Variants in CDH18 observed in about 807,000 individuals in gnomAD.
CDH18 encodes cadherin-18.
Under a neutral mutation model 67.9 loss-of-function variants are expected in CDH18, and 31 were observed. The observed-to-expected ratio is 0.46, with a 90% CI of 0.34 to 0.62. The LOEUF is 0.62. CDH18 is among the 20% of genes least tolerant of loss of function. The pLI is 0.01. For missense variants in CDH18, 890 were observed against 975.5 expected (o/e 0.91, Z 1.17); for synonymous variants, 362 against 347.2 (o/e 1.04, Z -0.48).
intron 2 of CDH18, among the ~76,000 whole-genome samples, chr5:20,141,480 G>C (rs922672817): frequency 3.3e-5 from 5 of 152,174 alleles, no homozygotes; most frequent in Middle Eastern, 3.2e-3. Context: ...TAAGACAGGT[G>C]AAAGAATCTG....
intron 2 of CDH18, among the ~76,000 whole-genome samples, chr5:19,877,290 A>G (rs1023672290): frequency 1.3e-5 from 2 of 152,156 alleles, no homozygotes; most frequent in Admixed American, 1.3e-4. Flanking sequence ...TGTGAAGGCA[A>G]TACTGGAAAA....
At chr5:19,485,478 A>G (rs1306993863) in intron 11 of CDH18, among the ~76,000 whole-genome samples, 1 of 152,034 alleles carries the variant, frequency 6.6e-6, no homozygotes, top group Non-Finnish European at 1.5e-5. Flanking sequence ...GATGGTCTCG[A>G]TCTCCTGACC....
At chr5:20,194,909 T>A (rs144210212) in intron 2 of CDH18, among the ~76,000 whole-genome samples, 2,643 of 152,200 alleles carry the variant, frequency 0.017, 73 homozygotes, top group African/African-American at 0.06. Flanking sequence ...AGGTTTGTTA[T>A]CCCTAGTTAA....
intron 2 of CDH18, among the ~76,000 whole-genome samples, chr5:20,233,757 T>A (rs1302421935): frequency 6.6e-6 from 1 of 152,168 alleles, no homozygotes; most frequent in African/African-American, 2.4e-5. Context: ...TATGTTTTAC[T>A]AATCTGAAAC....
intron 5 of CDH18, among the ~76,000 whole-genome samples, chr5:19,639,063 C>G (rs1393801117): frequency 7.7e-6 from 1 of 130,710 alleles, no homozygotes; most frequent in Non-Finnish European, 1.6e-5. Flanking sequence ...AGTGCAGTGG[C>G]GCGATCTCGG....
At chr5:19,728,406 G>T (rs1767139405) in intron 4 of CDH18, among the ~76,000 whole-genome samples, 1 of 152,092 alleles carries the variant, frequency 6.6e-6, no homozygotes, top group African/African-American at 2.4e-5. Flanking sequence ...GTTTCTCTCA[G>T]CTGATGTTTT....
intron 1 of CDH18, among the ~76,000 whole-genome samples, chr5:20,573,955 T>C (rs924486754): frequency 6.8e-5 from 10 of 146,644 alleles, no homozygotes; most frequent in Non-Finnish European, 1.4e-4. Context: ...AAGTATTTTA[T>C]ATATATATAC....
intron 2 of CDH18, among the ~76,000 whole-genome samples, chr5:20,144,753 T>C (rs1360280887): frequency 6.6e-6 from 1 of 152,290 alleles, no homozygotes; most frequent in East Asian, 1.9e-4. Context: ...AAAATGTGAC[T>C]TTCTTTGAAG....
intron 1 of CDH18, among the ~76,000 whole-genome samples, chr5:20,327,652 TCAAA>T (rs1738730051): frequency 6.6e-6 from 1 of 151,996 alleles, no homozygotes; most frequent in African/African-American, 2.4e-5. Flanking sequence ...TGAAAAATAA[TCAAA>T]CAAAGAAGTT....
At chr5:19,949,127 C>T (rs1343435473) in intron 2 of CDH18, among the ~76,000 whole-genome samples, 5 of 152,058 alleles carry the variant, frequency 3.3e-5, no homozygotes, top group Admixed American at 2.6e-4. Context: ...ACTATATTTT[C>T]TCAGGATGTT....
chr5:19,647,515 G>A (rs1185898686), intron 5 of CDH18, among the ~76,000 whole-genome samples: 4 of 109,890 alleles, frequency 3.6e-5, no homozygotes, highest in Admixed American at 1.3e-4. Context: ...AGGTGACAGA[G>A]CGAGACTCCA....
intron 8 of CDH18, among the ~76,000 whole-genome samples, chr5:19,560,970 T>C (rs1245199383): frequency 6.6e-6 from 1 of 152,028 alleles, no homozygotes; most frequent in Non-Finnish European, 1.5e-5. Context: ...ACCACCTCAC[T>C]TCTACAAGAA....
chr5:19,880,561 C>T (rs1787527291), intron 2 of CDH18, among the ~76,000 whole-genome samples: 1 of 152,098 alleles, frequency 6.6e-6, no homozygotes, highest in African/African-American at 2.4e-5. Flanking sequence ...CACATGTGTA[C>T]AAGACCAACT....
intron 2 of CDH18, among the ~76,000 whole-genome samples, chr5:20,082,381 G>A (rs1744555876): frequency 6.6e-6 from 1 of 152,180 alleles, no homozygotes; most frequent in African/African-American, 2.4e-5. Flanking sequence ...TAATTAAAAT[G>A]AAATTAAAAG....
chr5:20,030,549 C>T (rs1018083523), intron 2 of CDH18, among the ~76,000 whole-genome samples: 2 of 152,008 alleles, frequency 1.3e-5, no homozygotes, highest in African/African-American at 4.8e-5. Flanking sequence ...GGCCATGATA[C>T]ATTGTGAGAG....
In CDH18 at chr5:20,353,945, G is replaced by T. The variant is rs145481984; in HGVS notation, c.-579-98440C>A. Reference sequence around the variant, plus strand: ...ACTTTCTTGTTCTTAAAGGCTTCTCGGTCAATTTACTTTTAAACAAATCAT... The same window carrying T: ...ACTTTCTTGTTCTTAAAGGCTTCTCTGTCAATTTACTTTTAAACAAATCAT... On this transcript the variant is annotated intron_variant, in intron 1 of 14. Coordinates refer to the CDH18 transcript ENST00000507958. Among the ~76,000 whole-genome samples the T allele has an allele frequency of 5.3e-3, 799 of 152,182 alleles. 8 individuals are homozygous for T. Among genetic ancestry groups the T allele is most frequent in the African/African-American group, 0.018 (751 of 41,518 alleles).
chr5:19,817,068 A>G (rs1252873979), intron 3 of CDH18, among the ~76,000 whole-genome samples: 1 of 151,890 alleles, frequency 6.6e-6, no homozygotes, highest in East Asian at 1.9e-4. Flanking sequence ...AAGGCCATAA[A>G]TAGGCAGTTA....
At chr5:20,486,430 T>C (rs1167037838) in intron 1 of CDH18, among the ~76,000 whole-genome samples, 3 of 152,060 alleles carry the variant, frequency 2.0e-5, no homozygotes, top group South Asian at 2.1e-4. Flanking sequence ...CATTTTACTC[T>C]ATCTTGTTTC....
chr5:20,481,156 G>T (rs1300921793), intron 1 of CDH18, among the ~76,000 whole-genome samples: 3 of 150,036 alleles, frequency 2.0e-5, no homozygotes, highest in Admixed American at 2.0e-4. Context: ...GATATTCCAT[G>T]CAAATGAAAG....
Sources: allele counts gnomAD v4.1 joint callset (sites outside exome capture counted in the v4.1 genomes callset), GRCh38; gene constraint gnomAD v4.1.1; transcripts MANE v1.5; gene names NCBI Gene and HGNC (gene_info 2026-07-23, HGNC 2026-07-21).